Variants in MAGI1 observed in about 807,000 individuals in gnomAD.
The protein encoded by MAGI1 is membrane-associated guanylate kinase, WW and PDZ domain-containing protein 1.
In MAGI1, 58 loss-of-function variants were observed where a neutral mutation model predicts 139.9. That is an observed-to-expected ratio of 0.41 (90% confidence interval 0.34 to 0.52). The LOEUF (loss-of-function observed/expected upper bound fraction) is 0.52, where lower values mean the gene tolerates loss of function less well. Ranked by LOEUF, MAGI1 falls within the 20% of genes least tolerant of loss-of-function variation. The pLI is 0.12. For synonymous variants in MAGI1, 812 were observed against 737.9 expected (o/e 1.10, Z -1.63); for missense variants, 1,874 against 1,901.6 (o/e 0.99, Z 0.27).
intron 1 of MAGI1, among the ~76,000 whole-genome samples, chr3:65,717,106 A>C (rs2032359230): frequency 6.6e-6 from 1 of 152,232 alleles, no homozygotes. Flanking sequence ...ATCTTTTAAA[A>C]GAGGAGGCCT....
intron 1 of MAGI1, among the ~76,000 whole-genome samples, chr3:65,937,295 C>T (rs1416596486): frequency 6.6e-6 from 1 of 152,082 alleles, no homozygotes; most frequent in Non-Finnish European, 1.5e-5. Flanking sequence ...CAGCCCCACC[C>T]TGACACTTCT....
intron 2 of MAGI1, among the ~76,000 whole-genome samples, chr3:65,543,391 T>C (rs2079339877): frequency 6.6e-6 from 1 of 152,012 alleles, no homozygotes; most frequent in African/African-American, 2.4e-5. Context: ...CCCAGCAATG[T>C]TATTACTGGG....
At chr3:65,607,299 G>A (rs950448536) in intron 2 of MAGI1, among the ~76,000 whole-genome samples, 1 of 151,476 alleles carries the variant, frequency 6.6e-6, no homozygotes, top group Non-Finnish European at 1.5e-5. Flanking sequence ...TCCTGCTACA[G>A]GTCACACCAC....
chr3:65,788,819 G>A (rs2039566219), intron 1 of MAGI1, among the ~76,000 whole-genome samples: 1 of 152,050 alleles, frequency 6.6e-6, no homozygotes, highest in Admixed American at 6.6e-5. Context: ...GAAAACACAA[G>A]GAAAATTTAG....
At chr3:65,358,081 T>C (rs961671582) in intron 22 of MAGI1, among the ~76,000 whole-genome samples, 1 of 152,278 alleles carries the variant, frequency 6.6e-6, no homozygotes, top group African/African-American at 2.4e-5. Context: ...TCTAAGAGCT[T>C]GGAGTCACTG....
intron 1 of MAGI1, among the ~76,000 whole-genome samples, chr3:65,730,790 A>G (rs1331477585): frequency 6.6e-6 from 1 of 152,240 alleles, no homozygotes; most frequent in Non-Finnish European, 1.5e-5. Context: ...ACTAAAAGAA[A>G]AAAGTAATAG....
Position 65,364,704 on chromosome 3 carries a change from C to T in MAGI1, c.3312G>A (p.Gln1104=), listed in dbSNP as rs1182362646. The T allele has an allele frequency of 6.2e-7, 1 of 1,614,100 alleles. No homozygotes were observed. Among genetic ancestry groups the T allele is most frequent in the South Asian group, 1.1e-5 (1 of 91,086 alleles). The change falls in exon 20 of 23, where the codon CAG becomes CAA. Residue 1104 remains glutamine, a synonymous_variant. Coordinates refer to ENST00000402939, the MANE Select transcript of MAGI1 (RefSeq NM_001033057.2). ...QETRNTTKPK[Q]ESQFEFKAPQ... is the part of the protein sequence containing the mutation. ...GTGCTTTGAACTCAAATTGAGATTC[C>T]TGCTTTGGTTTGGTGGTATTCCTGC...
chr3:65,914,382 C>T (rs1037831545), intron 1 of MAGI1, among the ~76,000 whole-genome samples: 6 of 152,206 alleles, frequency 3.9e-5, no homozygotes, highest in African/African-American at 1.4e-4. Context: ...AACTGGGGTA[C>T]TTCCTGGTTT....
At chr3:65,769,839 G>T (rs1454276106) in intron 1 of MAGI1, among the ~76,000 whole-genome samples, 1 of 152,182 alleles carries the variant, frequency 6.6e-6, no homozygotes, top group East Asian at 1.9e-4. Flanking sequence ...TCGGATAGAA[G>T]GTGGCTGGAA....
intron 1 of MAGI1, among the ~76,000 whole-genome samples, chr3:65,889,080 A>T (rs1273298533): frequency 6.6e-6 from 1 of 152,210 alleles, no homozygotes; most frequent in Non-Finnish European, 1.5e-5. Flanking sequence ...TCCAAAACCA[A>T]GAGACGCTAA....
Position 65,900,012 on chromosome 3 carries a change from A to AC in MAGI1, c.313+137983_313+137984insG, listed in dbSNP as rs552295789. On this transcript the variant is annotated intron_variant, in intron 1 of 22. Coordinates refer to ENST00000402939, the MANE Select transcript of MAGI1 (RefSeq NM_001033057.2). ...TTAATCACTTACATACTTAGATCAA[A>AC]GGGAGTAATCAAAGTTCCAAAAGAA... Among the ~76,000 whole-genome samples, 435 of 152,310 alleles carry AC rather than the reference A, an allele frequency of 2.9e-3. 1 individual carries two copies. Among genetic ancestry groups the AC allele is most frequent in the African/African-American group, 9.8e-3 (407 of 41,568 alleles).
At chr3:65,846,233 T>TCTATGAAAATGACTC (rs1301501826) in intron 1 of MAGI1, among the ~76,000 whole-genome samples, 1 of 152,196 alleles carries the variant, frequency 6.6e-6, no homozygotes, top group Non-Finnish European at 1.5e-5. Flanking sequence ...ATCACTAGAA[T>TCTATGAAAATGACTC]CTATGAAAAT....
intron 14 of MAGI1, chr3:65,387,170 T>A (rs774183335): frequency 6.2e-7 from 1 of 1,614,100 alleles, no homozygotes; most frequent in Non-Finnish European, 8.5e-7. Context: ...TTCGTGGAAT[T>A]GATTTCTCTC....
At chr3:65,666,083 C>T (rs1446463920) in intron 1 of MAGI1, among the ~76,000 whole-genome samples, 1 of 152,152 alleles carries the variant, frequency 6.6e-6, no homozygotes, top group East Asian at 1.9e-4. Context: ...AGCCAGAAGT[C>T]TACCTGCTGA....
At chr3:65,998,221 C>T (rs2066561517) in intron 1 of MAGI1, among the ~76,000 whole-genome samples, 1 of 152,084 alleles carries the variant, frequency 6.6e-6, no homozygotes, top group African/African-American at 2.4e-5. Flanking sequence ...CCCTGACTTG[C>T]TCTGGGTATG....
At chr3:65,753,715 A>G (rs916371084) in intron 1 of MAGI1, among the ~76,000 whole-genome samples, 9 of 146,920 alleles carry the variant, frequency 6.1e-5, no homozygotes, top group Non-Finnish European at 1.0e-4. Context: ...AAAAAAAAAA[A>G]GTAATCTGTA....
At chr3:66,031,843 G>C (rs1414673255) in intron 1 of MAGI1, among the ~76,000 whole-genome samples, 1 of 151,274 alleles carries the variant, frequency 6.6e-6, no homozygotes, top group Non-Finnish European at 1.5e-5. Flanking sequence ...ATCATTTTTA[G>C]GCATGAGGAC....
intron 1 of MAGI1, among the ~76,000 whole-genome samples, chr3:65,786,441 G>T (rs1351728375): frequency 6.6e-6 from 1 of 151,464 alleles, no homozygotes; most frequent in Non-Finnish European, 1.5e-5. Flanking sequence ...CAAGCAGCTG[G>T]GTCTACAGGC....
At chr3:65,509,430 G>A (rs1047278054) in intron 2 of MAGI1, among the ~76,000 whole-genome samples, 6 of 152,166 alleles carry the variant, frequency 3.9e-5, no homozygotes, top group South Asian at 2.1e-4. Flanking sequence ...GACAGTGGGC[G>A]CAGGTCAGTG....
Sources: gnomAD v4.1 joint callset for allele counts (sites outside exome capture counted in the v4.1 genomes callset) on GRCh38, gnomAD v4.1.1 for gene constraint, MANE v1.5 for transcripts, NCBI Gene and HGNC (gene_info 2026-07-23, HGNC 2026-07-21) for gene names.